Variants in PDE4D observed in about 807,000 individuals in gnomAD.
The protein encoded by PDE4D is 3',5'-cyclic-AMP phosphodiesterase 4D.
A neutral mutation model predicts 87.4 loss-of-function variants in PDE4D; 24 were observed. The ratio of observed to expected loss-of-function variants is 0.27; its 90% CI spans 0.20 to 0.39. The LOEUF (loss-of-function observed/expected upper bound fraction) is 0.39. Ranked by LOEUF, PDE4D falls within the 10% of genes least tolerant of loss-of-function variation. The pLI, the probability that PDE4D is intolerant of heterozygous loss-of-function variation, is 1.00. For missense variants in PDE4D, 714 were observed against 1,041.0 expected, an observed-to-expected ratio of 0.69 and a Z score of 4.32; for synonymous variants, 384 against 383.2, an observed-to-expected ratio of 1.00 and a Z score of -0.02.
chr5:59,694,838 C>T (rs1751515093), intron 1 of PDE4D, among the ~76,000 whole-genome samples: 1 of 152,176 alleles, frequency 6.6e-6, no homozygotes, highest in African/African-American at 2.4e-5. Flanking sequence ...TTGATTATAA[C>T]TAGTAACACA....
chr5:60,058,542 G>C (rs1771030340), intron 2 of PDE4D, among the ~76,000 whole-genome samples: 1 of 151,914 alleles, frequency 6.6e-6, no homozygotes, highest in Admixed American at 6.6e-5. Context: ...AATATCTCCA[G>C]AAAATGTAAT....
At chr5:59,458,773 A>C (rs1363930497) in intron 1 of PDE4D, among the ~76,000 whole-genome samples, 1 of 152,216 alleles carries the variant, frequency 6.6e-6, no homozygotes, top group Non-Finnish European at 1.5e-5. Context: ...TAACTGACAT[A>C]GTTCTGTCAG....
intron 1 of PDE4D, among the ~76,000 whole-genome samples, chr5:60,310,259 A>T (rs1436621702): frequency 2.6e-5 from 4 of 152,232 alleles, no homozygotes; most frequent in African/African-American, 7.2e-5. Context: ...CCAGCATTTT[A>T]AAAAATCACA....
intron 1 of PDE4D, among the ~76,000 whole-genome samples, chr5:59,632,053 G>T (rs545447721): frequency 6.6e-6 from 1 of 152,320 alleles, no homozygotes; most frequent in Admixed American, 6.5e-5. Flanking sequence ...CTAGCTTGGT[G>T]TGGGGAGGGG....
intron 1 of PDE4D, among the ~76,000 whole-genome samples, chr5:59,827,367 A>G (rs888243356): frequency 3.9e-5 from 6 of 152,158 alleles, no homozygotes; most frequent in African/African-American, 1.4e-4. Context: ...ATTCTGTTGC[A>G]GTAGCCTGCA....
intron 1 of PDE4D, among the ~76,000 whole-genome samples, chr5:60,398,085 A>G (rs1387090748): frequency 6.6e-6 from 1 of 152,180 alleles, no homozygotes; most frequent in African/African-American, 2.4e-5. Context: ...AGAAAATGCC[A>G]TTCTTTTTTG....
intron 6 of PDE4D, among the ~76,000 whole-genome samples, chr5:59,025,955 G>C (rs1756159481): frequency 6.6e-6 from 1 of 152,222 alleles, no homozygotes; most frequent in African/African-American, 2.4e-5. Flanking sequence ...GTCCCTATAG[G>C]GATTACAGTG....
chr5:59,540,012 G>T (rs2153683607), intron 1 of PDE4D, among the ~76,000 whole-genome samples: 1 of 152,138 alleles, frequency 6.6e-6, no homozygotes, highest in East Asian at 1.9e-4. Flanking sequence ...GGAGGTCTTT[G>T]TAAAATGCAG....
At chr5:60,305,224 T>C (rs1461410326) in intron 1 of PDE4D, among the ~76,000 whole-genome samples, 1 of 151,932 alleles carries the variant, frequency 6.6e-6, no homozygotes, top group African/African-American at 2.4e-5. Context: ...GAAAACAGGA[T>C]GAAATGAAGA....
At chr5:60,398,370 C>T (rs374157943) in intron 1 of PDE4D, among the ~76,000 whole-genome samples, 1 of 152,146 alleles carries the variant, frequency 6.6e-6, no homozygotes, top group Admixed American at 6.5e-5. Flanking sequence ...TTGGACAGAC[C>T]AACAGGCTTC....
rs576580458 is a variant in PDE4D, at chr5:58,972,154, G to A, written c.*2510C>T. 1.2e-3 allele frequency: 181 copies of A among 152,608 alleles called. No homozygotes were observed. Among genetic ancestry groups the A allele is most frequent in the African/African-American group, 4.0e-3 (168 of 41,526 alleles). The allele number at this position is 152,608 out of a possible 1,614,324, so 9.5% of individuals were successfully genotyped here. A position where few individuals can be genotyped will look rare whatever the true frequency, so the allele number is the denominator to read the frequency against. On this transcript the variant is annotated 3_prime_UTR_variant, in exon 15 of 15. Coordinates refer to ENST00000340635, the MANE Select transcript of PDE4D (RefSeq NM_001104631.2). ...TCTGTGGGGGAAATACTAAGTGTAG[G>A]GAGGAGAGGAATGAGAATGTTTTGG...
chr5:60,419,354 T>G (rs1399282212), intron 1 of PDE4D, among the ~76,000 whole-genome samples: 2 of 151,948 alleles, frequency 1.3e-5, no homozygotes, highest in East Asian at 3.8e-4. Context: ...TGTCATTAAG[T>G]AGAAAAAAGA....
intron 3 of PDE4D, among the ~76,000 whole-genome samples, chr5:59,952,560 T>C (rs1473452266): frequency 1.3e-5 from 2 of 152,216 alleles, no homozygotes; most frequent in African/African-American, 2.4e-5. Context: ...TGGATTTACG[T>C]TCTTTTCCTT....
intron 1 of PDE4D, among the ~76,000 whole-genome samples, chr5:60,366,002 C>A (rs927979998): frequency 6.6e-6 from 1 of 151,388 alleles, no homozygotes; most frequent in Non-Finnish European, 1.5e-5. Flanking sequence ...CAAGATCATG[C>A]CCCTATGCTC....
chr5:59,661,858 T>G (rs1369033023), intron 1 of PDE4D, among the ~76,000 whole-genome samples: 1 of 152,232 alleles, frequency 6.6e-6, no homozygotes, highest in Admixed American at 6.5e-5. Context: ...AGGCATTCTG[T>G]CCTGTTTGCC....
intron 1 of PDE4D, among the ~76,000 whole-genome samples, chr5:59,490,565 T>C (rs1805994580): frequency 1.3e-5 from 2 of 152,342 alleles, no homozygotes; most frequent in South Asian, 4.1e-4. Flanking sequence ...TTCATGTTCA[T>C]ACACATAATG....
At chr5:59,379,731 C>T (rs244588) in intron 1 of PDE4D, among the ~76,000 whole-genome samples, 46,612 of 151,774 alleles carry the variant, frequency 0.31, 8,052 homozygotes, top group South Asian at 0.45. Context: ...GGTATTTTTA[C>T]GGTGAATATC....
At position 59,250,193 on chromosome 5, in the gene PDE4D, T is replaced by C. The variant is rs562186886; in HGVS notation, c.456-34225A>G. 6.0e-5 allele frequency among the ~76,000 whole-genome samples: 9 copies of C among 151,228 alleles called. No individual in the cohort carries two copies. In the East Asian group the frequency reaches 1.6e-3, roughly 26 times the overall value. On this transcript the variant is annotated intron_variant, in intron 1 of 14. Coordinates refer to ENST00000340635, the MANE Select transcript of PDE4D (RefSeq NM_001104631.2). ...GAATGCACATAAATTGCCTTTATAA[T>C]AAAAACTATTTTAAGGGCTGGGCAT...
chr5:59,072,588 G>T (rs1384481532), intron 5 of PDE4D, among the ~76,000 whole-genome samples: 1 of 152,156 alleles, frequency 6.6e-6, no homozygotes, highest in African/African-American at 2.4e-5. Context: ...TTTTGTTGCT[G>T]TTATCTCCCT....
Sources: allele counts gnomAD v4.1 joint callset (sites outside exome capture counted in the v4.1 genomes callset), GRCh38; gene constraint gnomAD v4.1.1; transcripts MANE v1.5; gene names NCBI Gene and HGNC (gene_info 2026-07-23, HGNC 2026-07-21).